SMIM20: variants seen among roughly 807,000 people sequenced by gnomAD.
SMIM20 encodes the protein small integral membrane protein 20.
In SMIM20, 3 loss-of-function variants were observed where a neutral mutation model predicts 8.7. The ratio of observed to expected loss-of-function variants is 0.34; its 90% confidence interval spans 0.16 to 0.89. SMIM20 has a LOEUF of 0.89. SMIM20 is among the 40% of genes least tolerant of loss of function. The probability of loss-of-function intolerance (pLI) is 0.49; values close to 1 mark genes in which losing one functional copy is unlikely to be tolerated. For synonymous variants in SMIM20, 44 were observed against 33.6 expected (o/e 1.31, Z -1.07); for missense variants, 85 against 84.8 (o/e 1.00, Z -0.01).
chr4:25,915,849 TG>T (rs11332451), intron 1 of SMIM20, among the ~76,000 whole-genome samples: 1,068 of 16,722 alleles, frequency 0.064, 40 homozygotes, highest in African/African-American at 0.24. Context: ...TGTCACAACT[TG>T]GGATGGGGCG....
At chr4:25,924,811 G>A (rs528395007) in intron 1 of SMIM20, among the ~76,000 whole-genome samples, 22 of 152,224 alleles carry the variant, frequency 1.4e-4, no homozygotes, top group East Asian at 9.7e-4. Context: ...GAAATTTAAC[G>A]TTGATACAGT....
chr4:25,926,383 T>C (rs1228541061), intron 1 of SMIM20, among the ~76,000 whole-genome samples: 1 of 152,264 alleles, frequency 6.6e-6, no homozygotes, highest in African/African-American at 2.4e-5. Flanking sequence ...GATAGGATGC[T>C]AATACCTGGT....
At chr4:25,922,103 T>A (rs1032529823) in intron 1 of SMIM20, among the ~76,000 whole-genome samples, 1 of 152,236 alleles carries the variant, frequency 6.6e-6, no homozygotes, top group Non-Finnish European at 1.5e-5. Context: ...AGTTGACTAT[T>A]AATAGTGTAT....
At chr4:25,914,476 C>T (rs1377802654) in intron 1 of SMIM20, 54 bp downstream of exon 1, 1 of 1,387,220 alleles carries the variant, frequency 7.2e-7, no homozygotes, top group African/African-American at 1.5e-5. Flanking sequence ...CACACACCTC[C>T]CCTCTGTGAG....
chr4:25,915,853 A>AAGGGGG (rs1719078032), intron 1 of SMIM20, among the ~76,000 whole-genome samples: 5 of 10,182 alleles, frequency 4.9e-4, no homozygotes, highest in African/African-American at 2.5e-3. Context: ...ACAACTTGGG[A>AAGGGGG]TGGGGCGGGG....
At chr4:25,924,124 A>T (rs1423788856) in intron 1 of SMIM20, among the ~76,000 whole-genome samples, 1 of 152,098 alleles carries the variant, frequency 6.6e-6, no homozygotes, top group African/African-American at 2.4e-5. Context: ...CCTGGTTCAC[A>T]CTCACCACCA....
rs560441002 is a variant in SMIM20, at chr4:25,928,580, C to T, written c.166+211C>T. ...ATTTCACTCCAGAATACTTTTTGCA[C>T]GTTTGCCAGGTTCCTCTTTTCCATT... On this transcript the variant is annotated intron_variant, in intron 2 of 2. Coordinates refer to ENST00000506197, the MANE Select transcript of SMIM20 (RefSeq NM_001145432.3). 4.6e-5 allele frequency among the ~76,000 whole-genome samples: 7 copies of T among 152,314 alleles called. No homozygotes were observed. The South Asian group carries it at 1.5e-3, about 32-fold the overall frequency.
chr4:25,914,691 C>G (rs889097346), intron 1 of SMIM20, among the ~76,000 whole-genome samples: 4 of 152,220 alleles, frequency 2.6e-5, no homozygotes, highest in Non-Finnish European at 5.9e-5. Context: ...TATATGAAAG[C>G]AGTCCTCACA....
chr4:25,918,004 G>A (rs1719125075), intron 1 of SMIM20, among the ~76,000 whole-genome samples: 1 of 148,212 alleles, frequency 6.7e-6, no homozygotes, highest in African/African-American at 2.5e-5. Context: ...GTGCAGTGGC[G>A]TGATCTCTGC....
intron 1 of SMIM20, among the ~76,000 whole-genome samples, chr4:25,923,627 G>A (rs922887015): frequency 2.0e-5 from 3 of 152,216 alleles, no homozygotes; most frequent in African/African-American, 7.2e-5. Flanking sequence ...GGGGAGAGCT[G>A]TGAGACCTCA....
chr4:25,922,759 G>T (rs73102011), intron 1 of SMIM20, among the ~76,000 whole-genome samples: 2 of 152,118 alleles, frequency 1.3e-5, no homozygotes, highest in Non-Finnish European at 2.9e-5. Context: ...CTTAGGGCTG[G>T]CAACTGGCAA....
At chr4:25,918,447 A>T (rs1006359281) in intron 1 of SMIM20, among the ~76,000 whole-genome samples, 1 of 152,164 alleles carries the variant, frequency 6.6e-6, no homozygotes, top group African/African-American at 2.4e-5. Context: ...TATAAGAATT[A>T]TCTTTATCTC....
intron 1 of SMIM20, among the ~76,000 whole-genome samples, chr4:25,919,219 A>G (rs890252919): frequency 6.6e-6 from 1 of 152,050 alleles, no homozygotes. Context: ...ATATCTTAAA[A>G]CCAACATAAA....
At chr4:25,919,984 C>T (rs890093289) in intron 1 of SMIM20, among the ~76,000 whole-genome samples, 4 of 152,212 alleles carry the variant, frequency 2.6e-5, no homozygotes, top group African/African-American at 9.6e-5. Flanking sequence ...TTTCTAGCTT[C>T]AGTTTTCTCC....
In SMIM20 at chr4:25,914,359, T is replaced by C; in HGVS notation, c.46T>C (p.Ser16Pro). 6.5e-7 allele frequency: 1 copy of C among 1,550,072 alleles called. No individual in the cohort carries two copies. Among genetic ancestry groups the C allele is most frequent in the Non-Finnish European group, 8.7e-7 (1 of 1,145,976 alleles). ...RTALIFGGFI[S>P]LIGAAFYPIY... ...CGCGCTCATTTTCGGCGGCTTCATC[T>C]CCCTGATCGGCGCCGCCTTCTATCC... The change falls in exon 1 of 3, where the codon TCC becomes CCC. Residue 16 changes from serine (S) to proline (P), a missense_variant. Physicochemically the swap from Ser to Pro is moderately conservative, Grantham distance 74. Transcript: ENST00000506197.
chr4:25,916,617 A>G (rs779347847), intron 1 of SMIM20, among the ~76,000 whole-genome samples: 3 of 151,536 alleles, frequency 2.0e-5, no homozygotes, highest in Admixed American at 6.6e-5. Flanking sequence ...GTGCAGTGGC[A>G]TGATCTCGGC....
intron 1 of SMIM20, among the ~76,000 whole-genome samples, chr4:25,918,091 C>T (rs78275062): frequency 0.098 from 14,835 of 151,792 alleles, 974 homozygotes; most frequent in East Asian, 0.29. Flanking sequence ...TACAGGTGCC[C>T]GCCACCACGC....
intron 1 of SMIM20, among the ~76,000 whole-genome samples, chr4:25,925,800 T>C (rs1719281803): frequency 6.6e-6 from 1 of 152,202 alleles, no homozygotes; most frequent in Non-Finnish European, 1.5e-5. Flanking sequence ...TAAGGATATG[T>C]TTTTGTTTTT....
chr4:25,918,630 C>A (rs1719140484), intron 1 of SMIM20, among the ~76,000 whole-genome samples: 1 of 151,980 alleles, frequency 6.6e-6, no homozygotes, highest in East Asian at 1.9e-4. Context: ...CCTGCCTCAG[C>A]CTCCCAAGTA....
Sources: allele counts gnomAD v4.1 joint callset (sites outside exome capture counted in the v4.1 genomes callset), GRCh38; gene constraint gnomAD v4.1.1; transcripts MANE v1.5; gene names NCBI Gene and HGNC (gene_info 2026-07-23, HGNC 2026-07-21).